The following HTRA1 variants were observed in gnomAD, a reference collection of about 807,000 sequenced individuals.
HTRA1 encodes the protein HtrA serine peptidase 1.
HTRA1 carries 26 observed loss-of-function variants against 49.7 expected under a neutral mutation model. The ratio of observed to expected loss-of-function variants is 0.52; its 90% CI spans 0.38 to 0.73. The LOEUF is 0.73. Among genes scored for constraint, HTRA1 ranks in the 30% least tolerant of loss-of-function variants. The pLI is 0.00. For synonymous variants in HTRA1, 291 were observed against 286.9 expected, an observed-to-expected ratio of 1.01 and a Z score of -0.14; for missense variants, 561 against 667.2, an observed-to-expected ratio of 0.84 and a Z score of 1.75.
At chr10:122,479,268 G>A (rs2097489947) in intron 1 of HTRA1, among the ~76,000 whole-genome samples, 1 of 152,122 alleles carries the variant, frequency 6.6e-6, no homozygotes, top group African/African-American at 2.4e-5. Context: ...GCTGCGGGGG[G>A]CTGGAGGCTG....
chr10:122,482,222 C>T (rs2097491321), intron 1 of HTRA1, among the ~76,000 whole-genome samples: 1 of 152,164 alleles, frequency 6.6e-6, no homozygotes, highest in African/African-American at 2.4e-5. Context: ...TTGGGTGTCA[C>T]ATGACCTTTC....
At chr10:122,491,874 C>T (rs953307376) in intron 3 of HTRA1, among the ~76,000 whole-genome samples, 3 of 152,198 alleles carry the variant, frequency 2.0e-5, no homozygotes, top group South Asian at 2.1e-4. Context: ...ATTGCAGACA[C>T]CCACACAAAA....
intron 1 of HTRA1, among the ~76,000 whole-genome samples, chr10:122,481,376 C>A (rs2097490911): frequency 6.6e-6 from 1 of 152,184 alleles, no homozygotes; most frequent in Admixed American, 6.5e-5. Context: ...ATGCTGGCAG[C>A]CACCCTGATG....
Position 122,494,304 on chromosome 10 carries a change from C to T in HTRA1, c.777+4678C>T, listed in dbSNP as rs187914331. Among the ~76,000 whole-genome samples the T allele has an allele frequency of 1.9e-3, 291 of 152,228 alleles. No homozygotes were observed. The highest frequency in any genetic ancestry group is 3.1e-3 in the Non-Finnish European group (213 of 68,008). On this transcript the variant is annotated intron_variant, in intron 3 of 8. Transcript: ENST00000368984. This position sits in a 1 kb window ranked among gnomAD's most constrained non-coding sequence, Gnocchi z 4.0. ...AGAGTAGGACGTTCACAGCTGTCTG[C>T]CCCGGAGGAAGCAAGGGCACCCGCC...
rs1047671959 is a variant in HTRA1 at position 122,494,054 on chromosome 10, C to T, written c.777+4428C>T. Among the ~76,000 whole-genome samples, 13 of 152,140 alleles carry T rather than the reference C, an allele frequency of 8.5e-5. No homozygotes were observed. The highest frequency in any genetic ancestry group is 1.9e-4 in the East Asian group (1 of 5,194). ...CTCCCCACCCCGCTGTGTGAGGTAG[C>T]GCCCCATGCCCCAGTCCCCTCAACT... is the stretch of plus-strand genomic sequence containing the variant. On this transcript the variant is annotated intron_variant, in intron 3 of 8. Coordinates refer to ENST00000368984, the MANE Select transcript of HTRA1 (RefSeq NM_002775.5). This position sits in a 1 kb window ranked among gnomAD's most constrained non-coding sequence, Gnocchi z 4.0.
chr10:122,472,904 G>A (rs72834448), intron 1 of HTRA1, among the ~76,000 whole-genome samples: 13,799 of 152,084 alleles, frequency 0.091, 825 homozygotes, highest in Middle Eastern at 0.2. Flanking sequence ...TTATGGATCT[G>A]GTATAAATTG....
intron 3 of HTRA1, among the ~76,000 whole-genome samples, chr10:122,492,980 C>T (rs1295493092): frequency 6.6e-6 from 1 of 152,200 alleles, no homozygotes; most frequent in Middle Eastern, 3.2e-3. Flanking sequence ...AGTTTAATAT[C>T]TGCTTTTCCT....
chr10:122,507,015 G>A, intron 4 of HTRA1, 130 bp downstream of exon 4: 1 of 836,346 alleles, frequency 1.2e-6, no homozygotes. Context: ...CAAGCCATGT[G>A]GATTCTAGTG....
chr10:122,514,046 G>T (rs1390417228), intron 8 of HTRA1, 145 bp from the exon 9 acceptor site: 1 of 838,416 alleles, frequency 1.2e-6, no homozygotes, highest in Non-Finnish European at 2.0e-6. Flanking sequence ...ACCCACTGAT[G>T]GTTTGAATTA....
chr10:122,508,634 C>T (rs947987594), intron 5 of HTRA1, 22 bp from the exon 6 acceptor site: 3 of 1,439,588 alleles, frequency 2.1e-6, no homozygotes, highest in Admixed American at 1.7e-5. Context: ...ATTCAGTAAG[C>T]CGTGTCCTTC....
intron 1 of HTRA1, among the ~76,000 whole-genome samples, chr10:122,468,895 G>A (rs139209926): frequency 4.3e-4 from 66 of 152,176 alleles, no homozygotes; most frequent in African/African-American, 1.5e-3. Context: ...ACATCTTAAG[G>A]AAGGAAAAAA....
intron 1 of HTRA1, among the ~76,000 whole-genome samples, chr10:122,479,648 A>T (rs550128790): frequency 6.6e-5 from 10 of 152,252 alleles, no homozygotes; most frequent in African/African-American, 2.4e-4. Context: ...GAAAAGAGAC[A>T]TGAATGCAGG....
intron 1 of HTRA1, among the ~76,000 whole-genome samples, chr10:122,477,211 C>T (rs1188340499): frequency 6.6e-5 from 10 of 152,104 alleles, no homozygotes; most frequent in Admixed American, 2.6e-4. Context: ...TCATGATCTG[C>T]CCACCTTGGC....
At chr10:122,473,666 G>A (rs192571507) in intron 1 of HTRA1, among the ~76,000 whole-genome samples, 383 of 152,122 alleles carry the variant, frequency 2.5e-3, no homozygotes, top group Non-Finnish European at 4.2e-3. Flanking sequence ...AATCATGCAC[G>A]TATCACTACC....
intron 3 of HTRA1, among the ~76,000 whole-genome samples, chr10:122,500,392 T>C (rs2097500389): frequency 6.6e-6 from 1 of 152,218 alleles, no homozygotes; most frequent in Admixed American, 6.5e-5. Flanking sequence ...AGCAACCAGG[T>C]TTTCCGTAAA....
intron 3 of HTRA1, among the ~76,000 whole-genome samples, chr10:122,498,492 T>C (rs2097499646): frequency 1.3e-5 from 2 of 152,168 alleles, no homozygotes; most frequent in African/African-American, 4.8e-5. Context: ...ATCCCAAGCT[T>C]CTCACTCTTG....
intron 1 of HTRA1, among the ~76,000 whole-genome samples, chr10:122,473,589 G>A (rs1449188130): frequency 6.6e-6 from 1 of 152,132 alleles, no homozygotes; most frequent in African/African-American, 2.4e-5. Context: ...GCTTTATTGA[G>A]AGATAATTTA....
rs376449340 is a variant in HTRA1 at position 122,506,871 on chromosome 10, G to A, written c.958G>A (p.Asp320Asn). 3.0e-5 allele frequency: 48 copies of A among 1,613,452 alleles called. No homozygotes were observed. The highest frequency in any genetic ancestry group is 4.0e-5 in the Non-Finnish European group (47 of 1,179,996). ...CTCAGACATGGACTACATCCAGACC[G>A]ACGCCATCATCAACGTGAGCCTCTG... ...RNSDMDYIQT[D>N]AIINYGNSGG... Residue 320 changes from aspartate (D) to asparagine (N), a missense_variant, in exon 4 of 9, where the codon GAC (aspartate) becomes AAC (asparagine). Transcript: ENST00000368984. This position sits in a 1 kb window ranked among gnomAD's most constrained non-coding sequence, Gnocchi z 5.2.
intron 8 of HTRA1, among the ~76,000 whole-genome samples, chr10:122,512,670 G>T (rs979745572): frequency 6.6e-6 from 1 of 152,198 alleles, no homozygotes; most frequent in African/African-American, 2.4e-5. Context: ...TGTGGGCTAA[G>T]AATAGTTTTT....
Sources: gnomAD v4.1 joint callset for allele counts (sites outside exome capture counted in the v4.1 genomes callset) on GRCh38, gnomAD v4.1.1 for gene constraint, Gnocchi (gnomAD v3.1) non-coding constraint, MANE v1.5 for transcripts, NCBI Gene and HGNC (gene_info 2026-07-23, HGNC 2026-07-21) for gene names.